Variants in SRD5A1 observed in about 807,000 individuals in gnomAD.
SRD5A1 encodes the protein steroid 5 alpha-reductase 1.
A neutral mutation model predicts 28.2 loss-of-function variants in SRD5A1; 22 were observed. The ratio of observed to expected loss-of-function variants is 0.78; its 90% CI spans 0.56 to 1.12. The LOEUF is 1.12. Among genes scored for constraint, SRD5A1 ranks in the 50% most tolerant of loss-of-function variants. The pLI is 0.00. For synonymous variants in SRD5A1, 151 were observed against 135.0 expected, an observed-to-expected ratio of 1.12 and a Z score of -0.82; for missense variants, 300 against 346.7, an observed-to-expected ratio of 0.87 and a Z score of 1.07.
At chr5:6,666,342 G>A (rs759333770) in intron 4 of SRD5A1, among the ~76,000 whole-genome samples, 1 of 152,084 alleles carries the variant, frequency 6.6e-6, no homozygotes, top group Non-Finnish European at 1.5e-5. Context: ...TAGAGACGGG[G>A]TTTCACCGTG....
intron 1 of SRD5A1, among the ~76,000 whole-genome samples, chr5:6,637,162 G>T (rs1033467049): frequency 6.6e-6 from 1 of 152,100 alleles, no homozygotes; most frequent in Non-Finnish European, 1.5e-5. Context: ...GTCTGGCATG[G>T]TGGCAGCCCC....
chr5:6,636,050 G>C (rs929904579), intron 1 of SRD5A1, among the ~76,000 whole-genome samples: 1 of 143,358 alleles, frequency 7.0e-6, no homozygotes, highest in Non-Finnish European at 1.5e-5. Context: ...GGCTGGGTCA[G>C]GTATAGTTTT....
intron 2 of SRD5A1, 118 bp downstream of exon 2, chr5:6,652,126 G>A: frequency 1.7e-6 from 2 of 1,205,998 alleles, no homozygotes; most frequent in South Asian, 3.4e-5. Context: ...AACAGAGAAA[G>A]CAGCAGCACC....
At chr5:6,659,392 C>T (rs545145925) in intron 3 of SRD5A1, among the ~76,000 whole-genome samples, 104 of 152,144 alleles carry the variant, frequency 6.8e-4, no homozygotes, top group African/African-American at 2.1e-3. Flanking sequence ...GGATTACAGG[C>T]GTGAGCCACC....
At chr5:6,667,296 T>A (rs1739214219) in intron 4 of SRD5A1, among the ~76,000 whole-genome samples, 2 of 152,204 alleles carry the variant, frequency 1.3e-5, no homozygotes, top group African/African-American at 4.8e-5. Flanking sequence ...CATGCCTTTT[T>A]GGGGACACAG....
At chr5:6,665,705 G>A (rs1246732304) in intron 4 of SRD5A1, among the ~76,000 whole-genome samples, 4 of 151,944 alleles carry the variant, frequency 2.6e-5, no homozygotes, top group Non-Finnish European at 4.4e-5. Context: ...AAAAAAACAC[G>A]GATCAGAGTA....
In SRD5A1 at chr5:6,633,484, C is replaced by T; in HGVS notation, c.-93C>T. ...CAGTGCGGGACTCCGGTAGCCGCCCCTCCGGTAGCCGCCCCTCCTGCCCCC... is the reference window on the plus strand; with the variant it reads ...CAGTGCGGGACTCCGGTAGCCGCCCTTCCGGTAGCCGCCCCTCCTGCCCCC... On this transcript the variant is annotated 5_prime_UTR_variant, in exon 1 of 5. Transcript: ENST00000274192. The T allele has an allele frequency of 3.0e-6, 4 of 1,340,214 alleles. No homozygotes were observed. Among genetic ancestry groups the T allele is most frequent in the Non-Finnish European group, 3.9e-6 (4 of 1,037,876 alleles). The allele number at this position is 1,340,214 out of a possible 1,614,324, so 83.0% of individuals were successfully genotyped here.
At chr5:6,641,971 A>G (rs1275997639) in intron 1 of SRD5A1, among the ~76,000 whole-genome samples, 3 of 152,254 alleles carry the variant, frequency 2.0e-5, no homozygotes, top group African/African-American at 7.2e-5. Context: ...TTTTCTGGAA[A>G]GAGCCAGGTA....
chr5:6,657,219 C>G (rs998865681), intron 3 of SRD5A1, among the ~76,000 whole-genome samples: 1 of 152,182 alleles, frequency 6.6e-6, no homozygotes, highest in African/African-American at 2.4e-5. Context: ...CCCTGAGAAC[C>G]TGGAATCAGC....
intron 1 of SRD5A1, among the ~76,000 whole-genome samples, chr5:6,636,422 G>A (rs1166648161): frequency 2.0e-5 from 3 of 152,184 alleles, no homozygotes; most frequent in African/African-American, 7.2e-5. Context: ...CTGAGGAGGC[G>A]CTGGCCAGGC....
rs1015641934 is a variant in SRD5A1, at chr5:6,669,489, T to C, written c.*1221T>C. On this transcript the variant is annotated 3_prime_UTR_variant, in exon 5 of 5. Coordinates refer to ENST00000274192, the MANE Select transcript of SRD5A1 (RefSeq NM_001047.4). ...CATCTGGCATTGCTTTGCCTTATCA[T>C]CTCATCTGGAGTTTTTAAATGCCAT... 1 of 152,248 alleles carries C rather than the reference T, an allele frequency of 6.6e-6. No homozygotes were observed. Among genetic ancestry groups the C allele is most frequent in the Non-Finnish European group, 1.5e-5 (1 of 68,044 alleles). The allele number at this position is 152,248 out of a possible 1,614,324, so 9.4% of individuals were successfully genotyped here. A position where few individuals can be genotyped will look rare whatever the true frequency, so the allele number is the denominator to read the frequency against.
At chr5:6,643,243 G>C (rs934636176) in intron 1 of SRD5A1, among the ~76,000 whole-genome samples, 1 of 152,080 alleles carries the variant, frequency 6.6e-6, no homozygotes, top group Admixed American at 6.5e-5. Flanking sequence ...AGCCATATCA[G>C]TAACATCCAT....
Position 6,633,689 on chromosome 5 carries a change from A to G in SRD5A1, c.113A>G (p.Tyr38Cys). 1 of 1,586,950 alleles carries G rather than the reference A, an allele frequency of 6.3e-7. No homozygotes were observed. Among genetic ancestry groups the G allele is most frequent in the Non-Finnish European group, 8.5e-7 (1 of 1,174,314 alleles). The change falls in exon 1 of 5, where the codon TAC becomes TGC. Residue 38 changes from tyrosine to cysteine, a missense_variant. Tyr to Cys is a radical substitution (Grantham distance 194). Coordinates refer to ENST00000274192, the MANE Select transcript of SRD5A1 (RefSeq NM_001047.4). ...FARNRQTNSV[Y>C]GRHALPSHRL... is the part of the protein sequence containing the mutation. Reference sequence around the variant, plus strand: ...CGCAATCGTCAGACGAACTCAGTGTACGGCCGCCACGCGCTGCCCAGCCAC... The same window carrying G: ...CGCAATCGTCAGACGAACTCAGTGTGCGGCCGCCACGCGCTGCCCAGCCAC...
Position 6,656,193 on chromosome 5 carries a change from G to T in SRD5A1, c.562+14G>T. On this transcript the variant is annotated intron_variant, in intron 3 of 4. Coordinates refer to ENST00000274192, the MANE Select transcript of SRD5A1 (RefSeq NM_001047.4). The stretch of plus-strand genomic sequence containing the variant: ...AAATACCAAGGGGTACGTACAGAAA[G>T]TGAAGAATTTCTGTGAAAGTTGCTT... The T allele has an allele frequency of 6.3e-7, 1 of 1,598,906 alleles. No individual in the cohort carries two copies. The highest frequency in any genetic ancestry group is 8.6e-7 in the Non-Finnish European group (1 of 1,166,922).
intron 1 of SRD5A1, among the ~76,000 whole-genome samples, chr5:6,641,738 A>T (rs1156740641): frequency 6.6e-6 from 1 of 152,244 alleles, no homozygotes; most frequent in Non-Finnish European, 1.5e-5. Flanking sequence ...GACAAATCTT[A>T]TCCTGAGGTT....
intron 3 of SRD5A1, among the ~76,000 whole-genome samples, chr5:6,661,317 G>A (rs1041676661): frequency 6.6e-6 from 1 of 151,120 alleles, no homozygotes; most frequent in African/African-American, 2.4e-5. Context: ...AAGAGAGGTG[G>A]GTCACCTGAG....
chr5:6,667,249 G>A (rs894634636), intron 4 of SRD5A1, among the ~76,000 whole-genome samples: 3 of 152,310 alleles, frequency 2.0e-5, no homozygotes, highest in Non-Finnish European at 2.9e-5. Flanking sequence ...CGCTTGATCC[G>A]GAAGTCCTGA....
In SRD5A1 at chr5:6,633,571, C is replaced by A. The variant is rs1207058727; in HGVS notation, c.-6C>A. ...GGGGCATGGAGCACGCTGCCCAGCC[C>A]TGGCGATGGCAACGGCGACGGGGGT... On this transcript the variant is annotated 5_prime_UTR_variant, in exon 1 of 5. The change creates a new upstream start codon in the 5' untranslated region. Coordinates refer to ENST00000274192, the MANE Select transcript of SRD5A1 (RefSeq NM_001047.4). The A allele has an allele frequency of 3.5e-5, 53 of 1,515,588 alleles. No homozygotes were observed. The highest frequency in any genetic ancestry group is 4.4e-5 in the Non-Finnish European group (50 of 1,139,342). 93.9% of individuals were successfully genotyped at this position (1,515,588 alleles called of 1,614,324 possible).
At chr5:6,641,162 C>T (rs1418440654) in intron 1 of SRD5A1, among the ~76,000 whole-genome samples, 1 of 152,166 alleles carries the variant, frequency 6.6e-6, no homozygotes, top group East Asian at 1.9e-4. Context: ...GGCCCCATGG[C>T]CCTAAGTAGG....
Sources: gnomAD v4.1 joint callset for allele counts (sites outside exome capture counted in the v4.1 genomes callset) on GRCh38, gnomAD v4.1.1 for gene constraint, MANE v1.5 for transcripts, NCBI Gene and HGNC (gene_info 2026-07-23, HGNC 2026-07-21) for gene names.